The following ATP5MC3 variants were observed in gnomAD, a reference collection of about 807,000 sequenced individuals.
ATP5MC3 encodes ATP synthase membrane subunit c locus 3.
Under a neutral mutation model 15.6 loss-of-function variants are expected in ATP5MC3, and 6 were observed. The ratio of observed to expected loss-of-function variants is 0.38; its 90% CI spans 0.21 to 0.76. The LOEUF (loss-of-function observed/expected upper bound fraction) is 0.76. Ranked by LOEUF, ATP5MC3 falls within the 30% of genes least tolerant of loss-of-function variation. ATP5MC3 has a pLI of 0.44. For missense variants in ATP5MC3, 132 were observed against 171.2 expected (o/e 0.77, Z 1.28); for synonymous variants, 66 against 63.3 (o/e 1.04, Z -0.20).
At position 175,178,398 on chromosome 2, in the gene ATP5MC3, G is replaced by A. The variant is rs1199660343; in HGVS notation, c.319C>T (p.Pro107Ser). Residue 107 changes from proline (P) to serine (S), a missense_variant, in exon 5 of 5, where the codon CCT becomes TCT. Pro to Ser is a moderately conservative substitution (Grantham distance 74). This residue lies in a region of ATP5MC3 where 42 missense variants were observed against 85.0 expected (regional missense o/e 0.49). Coordinates refer to ENST00000284727, the MANE Select transcript of ATP5MC3 (RefSeq NM_001689.5). ...GSLIIGYARN[P>S]SLKQQLFSYA... ...GAGAACAGCTGCTGCTTCAGCGAAG[G>A]GTTTCTAAAAGAGACCACATATGAC... 1.9e-6 allele frequency: 3 copies of A among 1,603,506 alleles called. No individual in the cohort carries two copies. Among genetic ancestry groups the A allele is most frequent in the South Asian group, 2.3e-5 (2 of 88,632 alleles).
Position 175,177,943 on chromosome 2 carries a change from C to G in ATP5MC3, c.*345G>C, listed in dbSNP as rs1453629056. The G allele has an allele frequency of 6.2e-6, 1 of 160,180 alleles. No homozygotes were observed. Among genetic ancestry groups the G allele is most frequent in the South Asian group, 1.9e-4 (1 of 5,162 alleles). The allele number at this position is 160,180 out of a possible 1,614,324, so 9.9% of individuals were successfully genotyped here. A position where few individuals can be genotyped will look rare whatever the true frequency, so the allele number is the denominator to read the frequency against. ...AGCTCAAAACACCCAAATATTTATC[C>G]TTTATATGAATAAACAAAAGCCCTA... is the stretch of plus-strand genomic sequence containing the variant. On this transcript the variant is annotated 3_prime_UTR_variant, in exon 5 of 5. Coordinates refer to ENST00000284727, the MANE Select transcript of ATP5MC3 (RefSeq NM_001689.5).
intron 3 of ATP5MC3, chr2:175,179,754 C>A (rs1700741687): frequency 9.0e-6 from 2 of 221,306 alleles, no homozygotes; most frequent in African/African-American, 2.3e-5. Context: ...ATCCTCCCTC[C>A]TTGGCCTCCC....
Position 175,181,362 on chromosome 2 carries a change from G to T in ATP5MC3, c.32C>A (p.Pro11His), listed in dbSNP as rs142182201. ...CCTGCCTGGGCTACGCACCAGAGAG[G>T]GGGTGCAGGCGAGCTTGGCGCAGGC... Reference protein sequence around the residue: MFACAKLACTPSLIRAGSRVA... With the variant: MFACAKLACTHSLIRAGSRVA... Residue 11 changes from proline to histidine, a missense_variant, in exon 2 of 5, where the codon CCC becomes CAC. Around this residue, in one of 2 missense-constraint regions of ATP5MC3, gnomAD observed 90 missense variants for 86.2 expected, o/e 1.04. Coordinates refer to ENST00000284727, the MANE Select transcript of ATP5MC3 (RefSeq NM_001689.5). 2 of 1,613,862 alleles carry T rather than the reference G, an allele frequency of 1.2e-6. No homozygotes were observed. The highest frequency in any genetic ancestry group is 2.7e-5 in the African/African-American group (2 of 75,062).
chr2:175,179,290 C>A, intron 3 of ATP5MC3, 40 bp from the exon 4 acceptor site: 1 of 1,547,404 alleles, frequency 6.5e-7, no homozygotes, highest in Non-Finnish European at 8.7e-7. Context: ...GTATCAGTAA[C>A]CACAGGTAGC....
Position 175,181,675 on chromosome 2 carries a change from G to C in ATP5MC3, c.-93C>G. On this transcript the variant is annotated 5_prime_UTR_variant, in exon 1 of 5. Transcript: ENST00000284727. Reference sequence around the variant, plus strand: ...ACTTACCTTCCCAGGAGGCGGCGGCGGCACGGGCTGCGGCAGAGGTCGAAG... The same window carrying C: ...ACTTACCTTCCCAGGAGGCGGCGGCCGCACGGGCTGCGGCAGAGGTCGAAG... 3 of 481,150 alleles carry C rather than the reference G, an allele frequency of 6.2e-6. No homozygotes were observed. The highest frequency in any genetic ancestry group is 5.3e-4 in the Middle Eastern group (1 of 1,886). The allele number at this position is 481,150 out of a possible 1,614,324, so 29.8% of individuals were successfully genotyped here. A position where few individuals can be genotyped will look rare whatever the true frequency, so the allele number is the denominator to read the frequency against.
rs1160894851 is a variant in ATP5MC3 at position 175,181,681 on chromosome 2, G to C, written c.-99C>G. The C allele has an allele frequency of 6.3e-6, 3 of 478,076 alleles. No individual in the cohort carries two copies. The South Asian group carries it at 9.8e-5, about 16-fold the overall frequency. 29.6% of individuals were successfully genotyped at this position (478,076 alleles called of 1,614,324 possible). On this transcript the variant is annotated 5_prime_UTR_variant, in exon 1 of 5. Coordinates refer to ENST00000284727, the MANE Select transcript of ATP5MC3 (RefSeq NM_001689.5). ...CTTCCCAGGAGGCGGCGGCGGCACGGGCTGCGGCAGAGGTCGAAGGAGTGG... is the reference window on the plus strand; with the variant it reads ...CTTCCCAGGAGGCGGCGGCGGCACGCGCTGCGGCAGAGGTCGAAGGAGTGG...
At position 175,176,662 on chromosome 2, in the gene ATP5MC3, C is replaced by G. The variant is rs1205219752; in HGVS notation, c.*1626G>C. ...TTACGCAGTCACTCCCTTTTCACCC[C>G]CTCCCTAGTTCCTGATAACTACTAA... On this transcript the variant is annotated 3_prime_UTR_variant, in exon 5 of 5. Transcript: ENST00000284727. 7 of 152,128 alleles carry G rather than the reference C, an allele frequency of 4.6e-5. No homozygotes were observed. Among genetic ancestry groups the G allele is most frequent in the African/African-American group, 1.7e-4 (7 of 41,428 alleles). The allele number at this position is 152,128 out of a possible 1,614,324, so 9.4% of individuals were successfully genotyped here. A position where few individuals can be genotyped will look rare whatever the true frequency, so the allele number is the denominator to read the frequency against.
At position 175,178,070 on chromosome 2, in the gene ATP5MC3, G is replaced by A; in HGVS notation, c.*218C>T. Reference sequence around the variant, plus strand: ...AACTGCTGTAGCTTCCTCTGAATGGGACAGCATCTGCCTGAATGCACGTTC... The same window carrying A: ...AACTGCTGTAGCTTCCTCTGAATGGAACAGCATCTGCCTGAATGCACGTTC... On this transcript the variant is annotated 3_prime_UTR_variant, in exon 5 of 5. Transcript: ENST00000284727. 1.2e-6 allele frequency: 1 copy of A among 804,990 alleles called. No homozygotes were observed. The highest frequency in any genetic ancestry group is 1.7e-6 in the Non-Finnish European group (1 of 579,318). 49.9% of individuals were successfully genotyped at this position (804,990 alleles called of 1,614,324 possible). A position where few individuals can be genotyped will look rare whatever the true frequency, so the allele number is the denominator to read the frequency against.
At chr2:175,181,233 G>T in intron 2 of ATP5MC3, 122 bp downstream of exon 2, 1 of 1,225,106 alleles carries the variant, frequency 8.2e-7, no homozygotes, top group Non-Finnish European at 1.1e-6. Flanking sequence ...TAATAGGTAA[G>T]GAGAAAGCCG....
Position 175,176,308 on chromosome 2 carries a change from TA to T in ATP5MC3, c.*1979del, listed in dbSNP as rs1279384342. ...AAATATACTTGGAATAGGTGAATATTAATCTAAGCATTTTCCTATCACTTTT... is the reference window on the plus strand; with the variant it reads ...AAATATACTTGGAATAGGTGAATATTATCTAAGCATTTTCCTATCACTTTT... On this transcript the variant is annotated 3_prime_UTR_variant, in exon 5 of 5. Coordinates refer to ENST00000284727, the MANE Select transcript of ATP5MC3 (RefSeq NM_001689.5). 2.0e-5 allele frequency: 3 copies of T among 152,118 alleles called. No homozygotes were observed. Among genetic ancestry groups the T allele is most frequent in the Admixed American group, 2.0e-4 (3 of 15,276 alleles). The allele number at this position is 152,118 out of a possible 1,614,324, so 9.4% of individuals were successfully genotyped here.
chr2:175,180,500 T>C (rs1329810864), intron 2 of ATP5MC3, among the ~76,000 whole-genome samples: 1 of 152,238 alleles, frequency 6.6e-6, no homozygotes, highest in African/African-American at 2.4e-5. Context: ...CACACGTTCT[T>C]TGGCAATTTT....
chr2:175,176,517 GTGAGGGGCTA>G lies in ATP5MC3; in HGVS notation c.*1761_*1770del, dbSNP rs1322635862. ...TTTAATTTTTGAGCCAGATTTAGCA[GTGAGGGGCTA>G]TATACCAACTTTAATGACACTAATG... On this transcript the variant is annotated 3_prime_UTR_variant, in exon 5 of 5. Transcript: ENST00000284727. 2 of 152,134 alleles carry G rather than the reference GTGAGGGGCTA, an allele frequency of 1.3e-5. No homozygotes were observed. Among genetic ancestry groups the G allele is most frequent in the Non-Finnish European group, 2.9e-5 (2 of 68,010 alleles). The allele number at this position is 152,134 out of a possible 1,614,324, so 9.4% of individuals were successfully genotyped here.
rs1334175886 is a variant in ATP5MC3 at position 175,177,478 on chromosome 2, G to T, written c.*810C>A. 2 of 152,102 alleles carry T rather than the reference G, an allele frequency of 1.3e-5. No homozygotes were observed. The highest frequency in any genetic ancestry group is 6.5e-5 in the Admixed American group (1 of 15,268). 9.4% of individuals were successfully genotyped at this position (152,102 alleles called of 1,614,324 possible). A position where few individuals can be genotyped will look rare whatever the true frequency, so the allele number is the denominator to read the frequency against. On this transcript the variant is annotated 3_prime_UTR_variant, in exon 5 of 5. Coordinates refer to ENST00000284727, the MANE Select transcript of ATP5MC3 (RefSeq NM_001689.5). ...GACCAAGAAGCAACATAAAGTATTA[G>T]CAGCAAAATACTGTTGAACCAGCTA...
chr2:175,177,121 C>T lies in ATP5MC3; in HGVS notation c.*1167G>A, dbSNP rs1700698819. On this transcript the variant is annotated 3_prime_UTR_variant, in exon 5 of 5. Transcript: ENST00000284727. ...TCTCAAACAGTATGCACAAAAACCA[C>T]CTGGGAAGCCTTTTTAAAGATGTAG... The T allele has an allele frequency of 1.3e-5, 2 of 152,058 alleles. No homozygotes were observed. Among genetic ancestry groups the T allele is most frequent in the African/African-American group, 4.8e-5 (2 of 41,396 alleles). The allele number at this position is 152,058 out of a possible 1,614,324, so 9.4% of individuals were successfully genotyped here.
rs115076542 is a variant in ATP5MC3, at chr2:175,178,723, G to T, written c.315-321C>A. On this transcript the variant is annotated intron_variant, in intron 4 of 4. Transcript: ENST00000284727. ...AAATAAAATAAATTGATCCTTTTAA[G>T]GAATGTGCTCTAATAATTTTATTCC... 3,103 of 1,160,430 alleles carry T rather than the reference G, an allele frequency of 2.7e-3. 51 individuals are homozygous for T. In the African/African-American group the frequency reaches 0.041, roughly 15 times the overall value. The allele number at this position is 1,160,430 out of a possible 1,614,324, so 71.9% of individuals were successfully genotyped here.
intron 4 of ATP5MC3, 144 bp downstream of exon 4, chr2:175,178,913 A>C: frequency 7.6e-7 from 1 of 1,309,688 alleles, no homozygotes; most frequent in Non-Finnish European, 1.0e-6. Flanking sequence ...TATGAGAATT[A>C]AGTGAGATAA....
intron 4 of ATP5MC3, 28 bp downstream of exon 4, chr2:175,179,029 T>C (rs1402084450): frequency 6.2e-7 from 1 of 1,603,556 alleles, no homozygotes; most frequent in East Asian, 2.2e-5. Flanking sequence ...AGCATGCTCT[T>C]AACTTATTTA....
Position 175,181,669 on chromosome 2 carries a change from G to A in ATP5MC3, c.-87C>T, listed in dbSNP as rs1700777458. 1 of 482,028 alleles carries A rather than the reference G, an allele frequency of 2.1e-6. No homozygotes were observed. The highest frequency in any genetic ancestry group is 4.0e-5 in the Admixed American group (1 of 25,006). 29.9% of individuals were successfully genotyped at this position (482,028 alleles called of 1,614,324 possible). On this transcript the variant is annotated 5_prime_UTR_variant, in exon 1 of 5. Transcript: ENST00000284727. ...CCCTCCACTTACCTTCCCAGGAGGC[G>A]GCGGCGGCACGGGCTGCGGCAGAGG... is the stretch of plus-strand genomic sequence containing the variant.
Position 175,178,284 on chromosome 2 carries a change from T to G in ATP5MC3, c.*4A>C. 6.2e-7 allele frequency: 1 copy of G among 1,604,634 alleles called. No homozygotes were observed. Among genetic ancestry groups the G allele is most frequent in the Non-Finnish European group, 8.5e-7 (1 of 1,177,486 alleles). On this transcript the variant is annotated 3_prime_UTR_variant, in exon 5 of 5. Transcript: ENST00000284727. ...TGAATGCCAACATGTCAAGCAGTAA[T>G]TTGTTACATGGCAAACAAAATCAAG...
Sources: allele counts gnomAD v4.1 joint callset (sites outside exome capture counted in the v4.1 genomes callset), GRCh38; gene constraint gnomAD v4.1.1; regional missense constraint gnomAD v4.1.1; transcripts MANE v1.5; gene names NCBI Gene and HGNC (gene_info 2026-07-23, HGNC 2026-07-21).